GAB4: variants seen among roughly 807,000 people sequenced by gnomAD.
GAB4 encodes the protein GRB2 associated binding protein family member 4.
GAB4 carries 26 observed loss-of-function variants against 51.3 expected under a neutral mutation model. The ratio of observed to expected loss-of-function variants is 0.51; its 90% confidence interval spans 0.37 to 0.70. The LOEUF (loss-of-function observed/expected upper bound fraction) is 0.70, where lower values mean the gene tolerates loss of function less well. Ranked by LOEUF, GAB4 falls within the 30% of genes least tolerant of loss-of-function variation. The pLI, the probability that GAB4 is intolerant of heterozygous loss-of-function variation, is 0.00. For missense variants in GAB4, 759 were observed against 734.6 expected, an observed-to-expected ratio of 1.03 and a Z score of -0.38; for synonymous variants, 329 against 291.2, an observed-to-expected ratio of 1.13 and a Z score of -1.32.
chr22:16,980,233 A>G (rs2123681561), intron 3 of GAB4, among the ~76,000 whole-genome samples: 1 of 152,348 alleles, frequency 6.6e-6, no homozygotes, highest in East Asian at 1.9e-4. Flanking sequence ...AAACAACAGA[A>G]TGGGAGAATA....
chr22:16,984,958 C>A (rs567421672), intron 3 of GAB4, among the ~76,000 whole-genome samples: 7 of 152,310 alleles, frequency 4.6e-5, no homozygotes, highest in African/African-American at 1.7e-4. Context: ...GGAGGCAAAT[C>A]CATGGAAGAC....
At position 17,007,947 on chromosome 22, in the gene GAB4, C is replaced by CCT. The variant is rs1021622209; in HGVS notation, c.166_167dup (p.Leu57GlyfsTer41). 3 of 1,601,024 alleles carry CCT rather than the reference C, an allele frequency of 1.9e-6. No individual in the cohort carries two copies. Among genetic ancestry groups the CCT allele is most frequent in the Non-Finnish European group, 2.6e-6 (3 of 1,171,348 alleles). On this transcript the variant is annotated frameshift_variant, in exon 1 of 10. Coordinates refer to ENST00000400588, the MANE Select transcript of GAB4 (RefSeq NM_001037814.1). LOFTEE classifies it high-confidence loss of function. ...CCCCCACTGCCCCACTCACAAAGAG[C>CCT]CTCAGCTTCTTCTCGGGGGGCGACT...
chr22:16,992,313 C>T, intron 1 of GAB4, 137 bp from the exon 2 acceptor site: 1 of 723,724 alleles, frequency 1.4e-6, no homozygotes. Context: ...TCCCCAGTTT[C>T]AAAGGTGGAG....
intron 1 of GAB4, among the ~76,000 whole-genome samples, chr22:17,007,428 G>C (rs1156957994): frequency 1.3e-5 from 2 of 152,168 alleles, no homozygotes; most frequent in East Asian, 1.9e-4. Context: ...GAAGGGGAGC[G>C]AGCGGGTGCG....
At chr22:16,970,805 T>C (rs1225539987) in intron 3 of GAB4, among the ~76,000 whole-genome samples, 1 of 152,172 alleles carries the variant, frequency 6.6e-6, no homozygotes, top group East Asian at 1.9e-4. Context: ...GGTTTTACGG[T>C]GGTTAGAGAG....
chr22:17,000,011 T>C (rs2060984338), intron 1 of GAB4, among the ~76,000 whole-genome samples: 1 of 152,170 alleles, frequency 6.6e-6, no homozygotes, highest in African/African-American at 2.4e-5. Context: ...AGACATGGTT[T>C]GTTATCATTT....
intron 3 of GAB4, among the ~76,000 whole-genome samples, chr22:16,980,374 A>G (rs1352770629): frequency 6.6e-6 from 1 of 152,238 alleles, no homozygotes; most frequent in Non-Finnish European, 1.5e-5. Context: ...TTCTCAAAAG[A>G]AGACATTTAT....
At chr22:16,973,572 T>C (rs2060751783) in intron 3 of GAB4, among the ~76,000 whole-genome samples, 1 of 152,172 alleles carries the variant, frequency 6.6e-6, no homozygotes, top group African/African-American at 2.4e-5. Context: ...ATGCCTCACC[T>C]TGCCCTGGAA....
At chr22:16,985,594 C>CTTCCTA (rs933570529) in intron 3 of GAB4, among the ~76,000 whole-genome samples, 14 of 152,350 alleles carry the variant, frequency 9.2e-5, no homozygotes, top group African/African-American at 3.4e-4. Flanking sequence ...AGAAAGCTTC[C>CTTCCTA]TTCCTATTCT....
At chr22:17,005,255 C>T (rs1411577189) in intron 1 of GAB4, among the ~76,000 whole-genome samples, 3 of 152,074 alleles carry the variant, frequency 2.0e-5, no homozygotes, top group Non-Finnish European at 4.4e-5. Flanking sequence ...TTCACAATTG[C>T]TACCAAAAGA....
intron 3 of GAB4, among the ~76,000 whole-genome samples, chr22:16,981,591 C>A (rs1268904414): frequency 6.6e-6 from 1 of 152,072 alleles, no homozygotes; most frequent in African/African-American, 2.4e-5. Flanking sequence ...AATAGAAAAC[C>A]TGAACAGACC....
intron 2 of GAB4, among the ~76,000 whole-genome samples, chr22:16,989,686 C>G (rs1320326827): frequency 6.6e-6 from 1 of 152,196 alleles, no homozygotes; most frequent in Non-Finnish European, 1.5e-5. Flanking sequence ...GCAGCCACGG[C>G]ACCAAGGATG....
At chr22:16,964,694 G>A (rs908125720) in intron 8 of GAB4, 72 bp downstream of exon 8, 1 of 1,095,012 alleles carries the variant, frequency 9.1e-7, no homozygotes, top group South Asian at 1.4e-5. Flanking sequence ...TAGCTAAGCT[G>A]GGAAGCGGGG....
intron 3 of GAB4, among the ~76,000 whole-genome samples, chr22:16,984,434 A>T (rs1259549197): frequency 6.6e-6 from 1 of 152,262 alleles, no homozygotes; most frequent in Non-Finnish European, 1.5e-5. Context: ...ATGATCCAGC[A>T]ATCTCACTGC....
At chr22:16,992,308 A>G in intron 1 of GAB4, 132 bp from the exon 2 acceptor site, 1 of 716,174 alleles carries the variant, frequency 1.4e-6, no homozygotes, top group Non-Finnish European at 2.3e-6. Flanking sequence ...GGATTTCCCC[A>G]GTTTCAAAGG....
At chr22:16,985,097 C>T (rs2060856890) in intron 3 of GAB4, among the ~76,000 whole-genome samples, 1 of 152,178 alleles carries the variant, frequency 6.6e-6, no homozygotes, top group Non-Finnish European at 1.5e-5. Flanking sequence ...AAGCTGTGAT[C>T]TGGGAATGAT....
rs770495769 is a variant in GAB4, at chr22:16,968,366, T to C, written c.955A>G (p.Thr319Ala). The change falls in exon 5 of 10, where the codon ACC (threonine) becomes GCC (alanine). Residue 319 changes from threonine to alanine, a missense_variant. Thr to Ala is a moderately conservative substitution (Grantham distance 58). Transcript: ENST00000400588. Reference protein sequence around the residue: ...ADNEASSGKYTQHGGGNASRP... With the variant: ...ADNEASSGKYAQHGGGNASRP... ...CTGGCATTCCCTCCACCATGCTGGG[T>C]GTACTTGCCGGAGGAAGCTACGACA... 6.2e-7 allele frequency: 1 copy of C among 1,613,954 alleles called. No individual in the cohort carries two copies. Among genetic ancestry groups the C allele is most frequent in the Non-Finnish European group, 8.5e-7 (1 of 1,179,860 alleles).
At position 16,968,281 on chromosome 22, in the gene GAB4, G is replaced by C. The variant is rs1360176118; in HGVS notation, c.1023+17C>G. On this transcript the variant is annotated intron_variant, in intron 5 of 9. Transcript: ENST00000400588. The stretch of plus-strand genomic sequence containing the variant: ...TCCCTGAGCCAGTCTGGGGACCCCT[G>C]GTTAAGCCATACTCACCAGGAAAGA... The C allele has an allele frequency of 1.9e-6, 3 of 1,599,150 alleles. No individual in the cohort carries two copies. Among genetic ancestry groups the C allele is most frequent in the Non-Finnish European group, 2.6e-6 (3 of 1,166,526 alleles).
Position 16,964,770 on chromosome 22 carries a change from A to G in GAB4, c.1472T>C (p.Phe491Ser). ...DSEDSGERYL[F>S]PNPASAFPVS... ...CAGTGACCCCCAAGGACTCACCGGG[A>G]AAAGATACCTCTCTCCACTGTCTTC... Residue 491 changes from phenylalanine to serine, a missense_variant, in exon 8 of 10, where the codon TTC becomes TCC. This residue lies in a region of GAB4 where 588 missense variants were observed against 510.2 expected (regional missense o/e 1.15). Coordinates refer to ENST00000400588, the MANE Select transcript of GAB4 (RefSeq NM_001037814.1). The G allele has an allele frequency of 6.2e-7, 1 of 1,610,662 alleles. No individual in the cohort carries two copies. Among genetic ancestry groups the G allele is most frequent in the Non-Finnish European group, 8.5e-7 (1 of 1,177,064 alleles).
Sources: gnomAD v4.1 joint callset for allele counts (sites outside exome capture counted in the v4.1 genomes callset) on GRCh38, gnomAD v4.1.1 for gene constraint, gnomAD v4.1.1 regional missense constraint, MANE v1.5 for transcripts, NCBI Gene and HGNC (gene_info 2026-07-23, HGNC 2026-07-21) for gene names.